The following RPH3AL variants were observed in gnomAD, a reference collection of about 807,000 sequenced individuals.
The protein encoded by RPH3AL is rab effector Noc2.
In RPH3AL, 38 loss-of-function variants were observed where a neutral mutation model predicts 43.1. That is an observed-to-expected ratio of 0.88 (90% confidence interval 0.68 to 1.15). RPH3AL has a LOEUF of 1.15. Among genes scored for constraint, RPH3AL ranks in the 50% most tolerant of loss-of-function variants. The pLI, the probability that RPH3AL is intolerant of heterozygous loss-of-function variation, is 0.00. For missense variants in RPH3AL, 462 were observed against 423.2 expected (o/e 1.09, Z -0.81); for synonymous variants, 189 against 176.3 (o/e 1.07, Z -0.57).
At chr17:233,784 A>G (rs2041285562) in intron 7 of RPH3AL, among the ~76,000 whole-genome samples, 1 of 152,230 alleles carries the variant, frequency 6.6e-6, no homozygotes, top group Non-Finnish European at 1.5e-5. Context: ...CAGAGACAAC[A>G]GGGCCGGGTG....
chr17:273,352 G>A (rs868792148), intron 6 of RPH3AL, among the ~76,000 whole-genome samples: 3 of 25,058 alleles, frequency 1.2e-4, no homozygotes, highest in Admixed American at 5.4e-4. Context: ...CGAGGGTGAC[G>A]TCAGGGAGAG....
intron 5 of RPH3AL, among the ~76,000 whole-genome samples, chr17:307,001 GGCCCGGCT>G (rs889615377): frequency 4.6e-5 from 7 of 152,094 alleles, no homozygotes; most frequent in Admixed American, 3.3e-4. Context: ...CCACCCTCCA[GGCCCGGCT>G]GCCACATCTG....
At chr17:350,490 A>C (rs1277948737) in intron 1 of RPH3AL, among the ~76,000 whole-genome samples, 1 of 152,198 alleles carries the variant, frequency 6.6e-6, no homozygotes, top group African/African-American at 2.4e-5. Flanking sequence ...GCATGCCTGT[A>C]ATCCCAGCTA....
rs1307988768 is a variant in RPH3AL at position 217,012 on chromosome 17, CCCTAAAATT to C, written c.728-1219_728-1211del. Among the ~76,000 whole-genome samples the C allele has an allele frequency of 2.6e-4, 40 of 151,076 alleles. 2 individuals are homozygous for C. Among genetic ancestry groups the C allele is most frequent in the African/African-American group, 6.8e-4 (28 of 41,018 alleles). On this transcript the variant is annotated intron_variant, in intron 8 of 9. Coordinates refer to ENST00000331302, the MANE Select transcript of RPH3AL (RefSeq NM_006987.4). ...CAGTTATTACAGAGCCCTTCTTCTG[CCCTAAAATT>C]GGCCTCGCTGAAATCAGGACCCCCA...
chr17:314,342 T>G (rs900158244), intron 5 of RPH3AL, among the ~76,000 whole-genome samples: 1 of 151,818 alleles, frequency 6.6e-6, no homozygotes, highest in Non-Finnish European at 1.5e-5. Flanking sequence ...CACTGCCAGC[T>G]CCCGTTCTCC....
intron 6 of RPH3AL, 74 bp downstream of exon 6, chr17:281,692 TGA>T: frequency 2.3e-6 from 1 of 428,722 alleles, no homozygotes; most frequent in Non-Finnish European, 4.2e-6. Flanking sequence ...ACCGTCACCC[TGA>T]CCGTCCACCC....
chr17:273,010 G>A (rs1312783993), intron 6 of RPH3AL, among the ~76,000 whole-genome samples: 1 of 119,806 alleles, frequency 8.3e-6, no homozygotes, highest in African/African-American at 2.7e-5. Flanking sequence ...CCCCAGCGAG[G>A]GCGACATCAG....
intron 6 of RPH3AL, among the ~76,000 whole-genome samples, chr17:269,120 C>T (rs1481166924): frequency 3.9e-5 from 6 of 152,224 alleles, no homozygotes; most frequent in East Asian, 1.9e-4. Context: ...CCTCATAATC[C>T]GCCCGCCTTG....
chr17:348,764 C>G (rs774815139), intron 1 of RPH3AL: 2 of 152,148 alleles, frequency 1.3e-5, no homozygotes, highest in African/African-American at 4.8e-5. Context: ...ACTGTCCATG[C>G]CTGTGTTCCA....
At chr17:226,645 G>A (rs1444934546) in intron 7 of RPH3AL, among the ~76,000 whole-genome samples, 1 of 152,190 alleles carries the variant, frequency 6.6e-6, no homozygotes, top group Non-Finnish European at 1.5e-5. Context: ...GTCCCCAAAT[G>A]TTCCTGGCTT....
At chr17:294,905 A>T (rs199704329) in intron 5 of RPH3AL, among the ~76,000 whole-genome samples, 3,296 of 39,098 alleles carry the variant, frequency 0.084, 5 homozygotes, top group East Asian at 0.29. Context: ...GGGAATGCAC[A>T]TCAGTGTGGG....
intron 1 of RPH3AL, among the ~76,000 whole-genome samples, chr17:349,646 A>AT (rs139031092): frequency 6.6e-6 from 1 of 151,994 alleles, no homozygotes; most frequent in Admixed American, 6.5e-5. Context: ...ATGTAGCAAG[A>AT]CCCCATCTCT....
Position 243,164 on chromosome 17 carries a change from T to C in RPH3AL, c.613+3947A>G, listed in dbSNP as rs1406684221. Among the ~76,000 whole-genome samples, 72 of 135,310 alleles carry C rather than the reference T, an allele frequency of 5.3e-4. 1 individual carries two copies. The highest frequency in any genetic ancestry group is 1.1e-3 in the South Asian group (4 of 3,740). The allele number at this position is 135,310 out of a possible 152,430, so 88.8% of individuals were successfully genotyped here. A position where few individuals can be genotyped will look rare whatever the true frequency, so the allele number is the denominator to read the frequency against. The stretch of plus-strand genomic sequence containing the variant: ...GATTGCCCCTCCTCTATTGATTACC[T>C]TCCTCTATTGATTACCCTTCCTCTA... On this transcript the variant is annotated intron_variant, in intron 7 of 9. Coordinates refer to ENST00000331302, the MANE Select transcript of RPH3AL (RefSeq NM_006987.4).
At chr17:331,177 G>C (rs903429419) in intron 2 of RPH3AL, 9 of 157,452 alleles carry the variant, frequency 5.7e-5, no homozygotes, top group African/African-American at 2.2e-4. Flanking sequence ...CCACAGGACA[G>C]AGAGGAGGAG....
chr17:333,091 C>A lies in RPH3AL; in HGVS notation c.-37+668G>T, dbSNP rs747327701. On this transcript the variant is annotated intron_variant, in intron 2 of 9. Transcript: ENST00000331302. The surrounding 1 kb of genome is among the most constrained non-coding windows in gnomAD (Gnocchi z 4.5). ...TTCTCTCTCTAAAGTCGAGAGCTCA[C>A]CACCCCGGGCGTTCGTCACTGCAGA... is the stretch of plus-strand genomic sequence containing the variant. 7.8e-7 allele frequency: 1 copy of A among 1,287,630 alleles called. No individual in the cohort carries two copies. The highest frequency in any genetic ancestry group is 1.0e-6 in the Non-Finnish European group (1 of 988,264). 79.8% of individuals were successfully genotyped at this position (1,287,630 alleles called of 1,614,324 possible).
intron 5 of RPH3AL, among the ~76,000 whole-genome samples, chr17:309,508 C>A (rs866597374): frequency 9.3e-5 from 14 of 150,198 alleles, no homozygotes; most frequent in Middle Eastern, 3.5e-3. Flanking sequence ...TATGGCATGT[C>A]CCCCGCCCTG....
chr17:238,495 C>T (rs1266598836), intron 7 of RPH3AL, among the ~76,000 whole-genome samples: 1 of 152,184 alleles, frequency 6.6e-6, no homozygotes. Context: ...GAATCGCTTC[C>T]GCGCGTAGTG....
At chr17:251,555 G>A (rs945230164) in intron 6 of RPH3AL, among the ~76,000 whole-genome samples, 1 of 152,212 alleles carries the variant, frequency 6.6e-6, no homozygotes, top group Non-Finnish European at 1.5e-5. Flanking sequence ...GTTGAGTGGT[G>A]AATAAATCCT....
intron 7 of RPH3AL, among the ~76,000 whole-genome samples, chr17:244,550 G>C (rs989927907): frequency 1.3e-5 from 2 of 152,102 alleles, no homozygotes; most frequent in African/African-American, 4.8e-5. Context: ...AAGGGACTGT[G>C]GGGCAGGAAG....
Sources: allele counts gnomAD v4.1 joint callset (sites outside exome capture counted in the v4.1 genomes callset), GRCh38; gene constraint gnomAD v4.1.1; non-coding constraint Gnocchi (gnomAD v3.1); transcripts MANE v1.5; gene names NCBI Gene and HGNC (gene_info 2026-07-23, HGNC 2026-07-21).